SYCP2L: variants seen among roughly 807,000 people sequenced by gnomAD.
The protein encoded by SYCP2L is synaptonemal complex protein 2-like.
SYCP2L carries 98 observed loss-of-function variants against 125.8 expected under a neutral mutation model. The observed-to-expected ratio is 0.78, with a 90% CI of 0.66 to 0.92. SYCP2L has a LOEUF of 0.92. Ranked by LOEUF, SYCP2L falls within the 40% of genes least tolerant of loss-of-function variation. The probability of loss-of-function intolerance (pLI) is 0.00; values close to 1 mark genes in which losing one functional copy is unlikely to be tolerated. For synonymous variants in SYCP2L, 317 were observed against 325.4 expected (o/e 0.97, Z 0.28); for missense variants, 842 against 936.4 (o/e 0.90, Z 1.32).
At chr6:10,902,285 G>A (rs563243975) in intron 6 of SYCP2L, among the ~76,000 whole-genome samples, 6 of 152,118 alleles carry the variant, frequency 3.9e-5, no homozygotes, top group South Asian at 4.2e-4. Context: ...TCTTTTCCTC[G>A]CTCACTTTCC....
chr6:10,934,756 G>A (rs1393618840), intron 20 of SYCP2L, among the ~76,000 whole-genome samples: 1 of 152,144 alleles, frequency 6.6e-6, no homozygotes, highest in African/African-American at 2.4e-5. Context: ...CTGGGATCAG[G>A]TGCCAGCCTT....
Position 10,902,905 on chromosome 6 carries a change from G to A in SYCP2L, c.583G>A (p.Ala195Thr), listed in dbSNP as rs369230080. Reference protein sequence around the residue: ...GLKTFNCILHAVPREERKKFP... With the variant: ...GLKTFNCILHTVPREERKKFP... ...GAAGACTTTTAACTGCATTTTGCAC[G>A]CTGTCCCTCGAGAAGAGAGAAAAAA... The change falls in exon 8 of 30, where the codon GCT (alanine) becomes ACT (threonine). Residue 195 changes from alanine to threonine, a missense_variant. Physicochemically the swap from Ala to Thr is moderately conservative, Grantham distance 58. Coordinates refer to ENST00000283141, the MANE Select transcript of SYCP2L (RefSeq NM_001040274.3). 3 of 1,614,128 alleles carry A rather than the reference G, an allele frequency of 1.9e-6. No individual in the cohort carries two copies. Among genetic ancestry groups the A allele is most frequent in the Non-Finnish European group, 2.5e-6 (3 of 1,180,028 alleles).
chr6:10,963,897 G>T, intron 29 of SYCP2L, 54 bp downstream of exon 29: 1 of 1,369,706 alleles, frequency 7.3e-7, no homozygotes, highest in Non-Finnish European at 1.0e-6. Context: ...TCAGGGCAGG[G>T]AGCAAGCTCT....
intron 5 of SYCP2L, among the ~76,000 whole-genome samples, chr6:10,898,449 C>T (rs1053190063): frequency 1.3e-5 from 2 of 152,068 alleles, no homozygotes; most frequent in Non-Finnish European, 2.9e-5. Flanking sequence ...GGAGGCGGAG[C>T]TTATATAGTG....
At chr6:10,889,616 C>CTTTT (rs34273350) in intron 1 of SYCP2L, among the ~76,000 whole-genome samples, 6 of 101,406 alleles carry the variant, frequency 5.9e-5, no homozygotes, top group Non-Finnish European at 9.3e-5. Flanking sequence ...TGAGATCAGC[C>CTTTT]TTTTTTTTTT....
intron 24 of SYCP2L, among the ~76,000 whole-genome samples, chr6:10,955,819 C>A (rs970446994): frequency 2.6e-5 from 4 of 152,188 alleles, no homozygotes; most frequent in African/African-American, 9.7e-5. Context: ...AGACCCCTTG[C>A]AAGCCCTCTG....
At chr6:10,890,294 T>C (rs1780151765) in intron 1 of SYCP2L, among the ~76,000 whole-genome samples, 1 of 152,250 alleles carries the variant, frequency 6.6e-6, no homozygotes, top group African/African-American at 2.4e-5. Flanking sequence ...CCATATTGTC[T>C]ATACTAATTT....
At chr6:10,958,314 T>C (rs533899012) in intron 25 of SYCP2L, among the ~76,000 whole-genome samples, 1 of 152,204 alleles carries the variant, frequency 6.6e-6, no homozygotes, top group African/African-American at 2.4e-5. Flanking sequence ...TCAGGGAGTT[T>C]TACTCATGGT....
chr6:10,938,902 C>T (rs747447065), intron 21 of SYCP2L, among the ~76,000 whole-genome samples: 6 of 152,064 alleles, frequency 3.9e-5, no homozygotes, highest in Non-Finnish European at 8.8e-5. Flanking sequence ...CGGAGGATTA[C>T]GAGGTCAGGA....
At chr6:10,899,806 C>T (rs1354400138) in intron 6 of SYCP2L, among the ~76,000 whole-genome samples, 3 of 152,090 alleles carry the variant, frequency 2.0e-5, no homozygotes, top group Non-Finnish European at 4.4e-5. Context: ...CTTGGTTGGT[C>T]CTCATAATTC....
chr6:10,946,860 G>A (rs551778702), intron 23 of SYCP2L, among the ~76,000 whole-genome samples: 1 of 151,280 alleles, frequency 6.6e-6, no homozygotes, highest in East Asian at 1.9e-4. Flanking sequence ...CTTGGCATTT[G>A]TAGGGAATCT....
At chr6:10,968,862 C>T (rs1313388232) in intron 29 of SYCP2L, among the ~76,000 whole-genome samples, 1 of 152,188 alleles carries the variant, frequency 6.6e-6, no homozygotes, top group Non-Finnish European at 1.5e-5. Context: ...TTATAGTTAT[C>T]TCTGAGAGCC....
At chr6:10,923,691 T>TC (rs1780844098) in intron 14 of SYCP2L, among the ~76,000 whole-genome samples, 1 of 144,876 alleles carries the variant, frequency 6.9e-6, no homozygotes, top group Admixed American at 6.9e-5. Flanking sequence ...TTCTTTTTTT[T>TC]TTTTTTTCTT....
intron 25 of SYCP2L, among the ~76,000 whole-genome samples, chr6:10,958,474 G>A (rs976486489): frequency 2.2e-4 from 33 of 152,096 alleles, no homozygotes; most frequent in Middle Eastern, 3.2e-3. Flanking sequence ...TGACCCGAAC[G>A]CCTCCCACCA....
rs537894101 is a variant in SYCP2L, at chr6:10,888,188, C to A, written c.9+1053C>A. ...CTTGGCTCACTGCAACCTCTGCCTC[C>A]CGGGTTCAAGCGATTCTCCTACCTC... On this transcript the variant is annotated intron_variant, in intron 1 of 29. Coordinates refer to ENST00000283141, the MANE Select transcript of SYCP2L (RefSeq NM_001040274.3). Among the ~76,000 whole-genome samples the A allele has an allele frequency of 7.7e-5, 11 of 142,030 alleles. No homozygotes were observed. The South Asian group carries it at 2.3e-3, about 30-fold the overall frequency. 93.2% of individuals were successfully genotyped at this position (142,030 alleles called of 152,430 possible).
rs1296890573 is a variant in SYCP2L at position 10,931,435 on chromosome 6, T to C, written c.1634-5T>C. The C allele has an allele frequency of 6.2e-7, 1 of 1,613,986 alleles. No homozygotes were observed. The highest frequency in any genetic ancestry group is 2.2e-5 in the East Asian group (1 of 44,894). On this transcript the variant is annotated splice_polypyrimidine_tract_variant and splice_region_variant and intron_variant, in intron 19 of 29. Coordinates refer to ENST00000283141, the MANE Select transcript of SYCP2L (RefSeq NM_001040274.3). ...ATGTTGTGCACTTGTTTTCTTTCAA[T>C]TTAGTCTTGCCAGTTTTCCCTCCCA...
At chr6:10,922,271 C>CAGAAA (rs1780811504) in intron 14 of SYCP2L, among the ~76,000 whole-genome samples, 1 of 152,106 alleles carries the variant, frequency 6.6e-6, no homozygotes, top group African/African-American at 2.4e-5. Context: ...AGGTATTACT[C>CAGAAA]TTTCCATTCT....
rs1409099488 is a variant in SYCP2L at position 10,888,086 on chromosome 6, T to A, written c.9+951T>A. On this transcript the variant is annotated intron_variant, in intron 1 of 29. Transcript: ENST00000283141. ...ACCATCTTTTTTTTTTTTTTTTTTT[T>A]TTTTTTTTTTTTTTTTTTTTTTTTT... is the stretch of plus-strand genomic sequence containing the variant. Among the ~76,000 whole-genome samples, 513 of 51,470 alleles carry A rather than the reference T, an allele frequency of 1.0e-2. 47 individuals are homozygous for A. Among genetic ancestry groups the A allele is most frequent in the Non-Finnish European group, 0.014 (370 of 27,080 alleles). The allele number at this position is 51,470 out of a possible 152,430, so 33.8% of individuals were successfully genotyped here.
At chr6:10,887,228 A>C in intron 1 of SYCP2L, 93 bp downstream of exon 1, 6 of 1,557,628 alleles carry the variant, frequency 3.9e-6, no homozygotes, top group Non-Finnish European at 5.3e-6. Context: ...TGCCGCCTTG[A>C]GGTGTTCGCT....
Sources: allele counts gnomAD v4.1 joint callset (sites outside exome capture counted in the v4.1 genomes callset), GRCh38; gene constraint gnomAD v4.1.1; transcripts MANE v1.5; gene names NCBI Gene and HGNC (gene_info 2026-07-23, HGNC 2026-07-21).